The following OCRL variants were observed in gnomAD, a reference collection of about 807,000 sequenced individuals.
OCRL encodes the protein inositol polyphosphate 5-phosphatase OCRL.
In OCRL, 8 loss-of-function variants were observed where a neutral mutation model predicts 78.9. The ratio of observed to expected loss-of-function variants is 0.10; its 90% confidence interval spans 0.06 to 0.18. OCRL has a LOEUF of 0.18. Ranked by LOEUF, OCRL falls within the 10% of genes least tolerant of loss-of-function variation. The probability of loss-of-function intolerance (pLI) is 1.00; values close to 1 mark genes in which losing one functional copy is unlikely to be tolerated. For synonymous variants in OCRL, 240 were observed against 235.4 expected, an observed-to-expected ratio of 1.02 and a Z score of -0.18; for missense variants, 454 against 696.7, an observed-to-expected ratio of 0.65 and a Z score of 3.92.
At position 129,589,827 on chromosome X, in the gene OCRL, C is replaced by A. The variant is rs746165909; in HGVS notation, c.2470-18C>A. On this transcript the variant is annotated intron_variant, in intron 22 of 23. Transcript: ENST00000371113. ...TCCACCTGTTTTTCTCACTGCCTGC[C>A]CCTATTTTTAAAAACAGGTGATCTC... The A allele has an allele frequency of 2.7e-6, 3 of 1,104,036 alleles. No individual in the cohort carries two copies. Among genetic ancestry groups the A allele is most frequent in the South Asian group, 1.8e-5 (1 of 54,634 alleles). The allele number at this position is 1,104,036 out of a possible 1,213,427, so 91.0% of individuals were successfully genotyped here.
Position 129,569,467 on chromosome X carries a change from TCAGAA to T in OCRL, c.1602+73_1602+77del, listed in dbSNP as rs779171865. On this transcript the variant is annotated intron_variant, in intron 15 of 23. Coordinates refer to ENST00000371113, the MANE Select transcript of OCRL (RefSeq NM_000276.4). ...TCAATTACTAGAGGATTATTTAGAC[TCAGAA>T]CAGATCAGTAATTCAGCAAGCCATA... 4.4e-5 allele frequency: 46 copies of T among 1,035,681 alleles called. No individual in the cohort carries two copies. The African/African-American group carries it at 6.5e-4, about 15-fold the overall frequency. The allele number at this position is 1,035,681 out of a possible 1,213,427, so 85.4% of individuals were successfully genotyped here.
chrX:129,581,966 T>C (rs1356246645), intron 18 of OCRL, among the ~76,000 whole-genome samples: 1 of 105,663 alleles, frequency 9.5e-6, no homozygotes, highest in African/African-American at 3.5e-5. Context: ...TTAAAGGTAG[T>C]CAGTGGCTTC....
intron 5 of OCRL, 92 bp from the exon 6 acceptor site, chrX:129,557,769 A>G (rs927906062): frequency 1.6e-4 from 104 of 656,371 alleles, no homozygotes; most frequent in Non-Finnish European, 1.3e-4. Context: ...GCCCCTGCAT[A>G]TAAGGAATGT....
intron 2 of OCRL, among the ~76,000 whole-genome samples, chrX:129,544,104 T>C (rs1935846028): frequency 9.0e-6 from 1 of 111,064 alleles, no homozygotes; most frequent in African/African-American, 3.3e-5. Flanking sequence ...AGAGTGTTCC[T>C]GACAAAAAAC....
intron 14 of OCRL, among the ~76,000 whole-genome samples, chrX:129,568,404 G>A (rs72614122): frequency 4.5e-5 from 5 of 110,908 alleles, no homozygotes; most frequent in Non-Finnish European, 7.6e-5. Flanking sequence ...GAATCCCCAC[G>A]CATGTTCAGC....
In OCRL at chrX:129,560,601, A is replaced by G. The variant is rs1936132543; in HGVS notation, c.774A>G (p.Leu258=). ...NVNGQSPDSG[L]EPWLNCDPNP... ...ATGGCCAGTCTCCAGATAGCGGGTT[A>G]GAACCTTGGCTGAACTGTGATCCCA... The change falls in exon 9 of 24, where the codon TTA becomes TTG. Residue 258 remains leucine, a synonymous_variant. Transcript: ENST00000371113. The G allele has an allele frequency of 5.0e-6, 6 of 1,206,001 alleles. No individual in the cohort carries two copies. The highest frequency in any genetic ancestry group is 6.7e-6 in the Non-Finnish European group (6 of 890,357).
chrX:129,553,413 TG>T (rs1373317261), intron 4 of OCRL: 1 of 112,008 alleles, frequency 8.9e-6, no homozygotes, highest in Non-Finnish European at 1.9e-5. Context: ...AGAGATGGAC[TG>T]GAATTGGAGG....
In OCRL at chrX:129,557,226, A is replaced by G. The variant is rs1230079548; in HGVS notation, c.239-99A>G. 4.4e-6 allele frequency: 3 copies of G among 687,156 alleles called. No homozygotes were observed. The African/African-American group carries it at 6.4e-5, about 15-fold the overall frequency. 56.6% of individuals were successfully genotyped at this position (687,156 alleles called of 1,213,427 possible). A position where few individuals can be genotyped will look rare whatever the true frequency, so the allele number is the denominator to read the frequency against. The stretch of plus-strand genomic sequence containing the variant: ...ATATTAGAGATCTGGAATATTTGTG[A>G]TCTGGACCTTCTTCTGTTAACCTGA... On this transcript the variant is annotated intron_variant, in intron 4 of 23. Coordinates refer to ENST00000371113, the MANE Select transcript of OCRL (RefSeq NM_000276.4).
chrX:129,583,024 G>A (rs1478836148), intron 18 of OCRL, among the ~76,000 whole-genome samples: 4 of 111,924 alleles, frequency 3.6e-5, no homozygotes, highest in South Asian at 3.8e-4. Flanking sequence ...TCACTGGGGA[G>A]GTATGAGGAA....
chrX:129,589,487 C>G, intron 22 of OCRL: 4 of 295,852 alleles, frequency 1.4e-5, no homozygotes, highest in Non-Finnish European at 1.8e-5. Context: ...GAAAACCATT[C>G]AAACAAAAAA....
intron 18 of OCRL, among the ~76,000 whole-genome samples, chrX:129,581,859 C>CTCTCTCTG (rs796185362): frequency 1.0e-5 from 1 of 99,023 alleles, no homozygotes; most frequent in African/African-American, 3.8e-5. Context: ...CTCTCTCTCT[C>CTCTCTCTG]TCTCTCTGTC....
At chrX:129,554,838 G>T (rs1936015637) in intron 4 of OCRL, among the ~76,000 whole-genome samples, 1 of 109,184 alleles carries the variant, frequency 9.2e-6, no homozygotes, top group African/African-American at 3.3e-5. Flanking sequence ...TGTAATCCCA[G>T]CTACTCAGGA....
chrX:129,569,076 A>C (rs781655810), intron 14 of OCRL, among the ~76,000 whole-genome samples, 188 bp from the exon 15 acceptor site: 1 of 112,166 alleles, frequency 8.9e-6, no homozygotes, highest in African/African-American at 3.2e-5. Context: ...GTGGCAAACA[A>C]GCAAATACAG....
Position 129,588,274 on chromosome X carries a change from C to T in OCRL, c.2341+11C>T, listed in dbSNP as rs759875928. 7.8e-6 allele frequency: 9 copies of T among 1,151,516 alleles called. No homozygotes were observed. The highest frequency in any genetic ancestry group is 3.6e-5 in the South Asian group (2 of 55,575). The allele number at this position is 1,151,516 out of a possible 1,213,427, so 94.9% of individuals were successfully genotyped here. On this transcript the variant is annotated intron_variant, in intron 21 of 23. Transcript: ENST00000371113. ...TTCCTGAGACAATCCGTATCCTTTG[C>T]GACCAAAGCTTAAGAAGCTGGATGA...
Position 129,547,342 on chromosome X carries a change from G to A in OCRL, c.200-1221G>A, listed in dbSNP as rs755844283. 2.2e-3 allele frequency among the ~76,000 whole-genome samples: 237 copies of A among 109,592 alleles called. 1 individual carries two copies. Among genetic ancestry groups the A allele is most frequent in the African/African-American group, 6.3e-3 (189 of 30,035 alleles). On this transcript the variant is annotated intron_variant, in intron 3 of 23. Coordinates refer to ENST00000371113, the MANE Select transcript of OCRL (RefSeq NM_000276.4). ...AGATTGAGACCATCCTGGCTAACAC[G>A]ATGAAACCCCGTCTCTACTAAAAAT...
In OCRL at chrX:129,555,259, G is replaced by A. The variant is rs1936026525; in HGVS notation, c.239-2066G>A. On this transcript the variant is annotated intron_variant, in intron 4 of 23. Coordinates refer to ENST00000371113, the MANE Select transcript of OCRL (RefSeq NM_000276.4). ...TGGGAGGCCAAGGTGGGCAGATCAC[G>A]AGGTCAGGAGTTCGAGACCAGCCTG... Among the ~76,000 whole-genome samples, 3 of 110,068 alleles carry A rather than the reference G, an allele frequency of 2.7e-5. No homozygotes were observed. The Admixed American group carries it at 2.9e-4, about 11-fold the overall frequency.
chrX:129,554,370 G>A (rs1228729797), intron 4 of OCRL: 1 of 111,111 alleles, frequency 9.0e-6, no homozygotes, highest in Non-Finnish European at 1.9e-5. Context: ...GGTGTTGACT[G>A]GGTTTTCTGT....
intron 2 of OCRL, among the ~76,000 whole-genome samples, chrX:129,543,966 C>G (rs1236528965): frequency 9.0e-5 from 10 of 111,105 alleles, no homozygotes. Context: ...TAAATATAAC[C>G]ATAATGGAGT....
intron 18 of OCRL, among the ~76,000 whole-genome samples, chrX:129,583,775 A>G (rs1007296841): frequency 1.8e-5 from 2 of 111,539 alleles, no homozygotes; most frequent in African/African-American, 6.5e-5. Context: ...CTGATCCGCA[A>G]AGGTCTGAAA....
Sources: gnomAD v4.1 joint callset for allele counts (sites outside exome capture counted in the v4.1 genomes callset) on GRCh38, gnomAD v4.1.1 for gene constraint, MANE v1.5 for transcripts, NCBI Gene and HGNC (gene_info 2026-07-23, HGNC 2026-07-21) for gene names.